The following PPFIA1 variants were observed in gnomAD, a reference collection of about 807,000 sequenced individuals.
PPFIA1 encodes the protein liprin-alpha-1.
In PPFIA1, 25 loss-of-function variants were observed where a neutral mutation model predicts 149.9. The observed-to-expected ratio is 0.17, with a 90% CI of 0.12 to 0.23. The LOEUF is 0.23. Among genes scored for constraint, PPFIA1 ranks in the 10% least tolerant of loss-of-function variants. The probability of loss-of-function intolerance (pLI) is 1.00; values close to 1 mark genes in which losing one functional copy is unlikely to be tolerated. For missense variants in PPFIA1, 1,362 were observed against 1,506.5 expected (o/e 0.90, Z 1.59); for synonymous variants, 549 against 552.8 (o/e 0.99, Z 0.10).
At chr11:70,354,191 T>C in intron 16 of PPFIA1, 110 bp from the exon 17 acceptor site, 2 of 1,160,698 alleles carry the variant, frequency 1.7e-6, no homozygotes, top group Non-Finnish European at 2.4e-6. Context: ...CTTTCTGTGC[T>C]GGCAGAAAGC....
At chr11:70,367,748 A>G in intron 21 of PPFIA1, 1 of 371,132 alleles carries the variant, frequency 2.7e-6, no homozygotes, top group Non-Finnish European at 5.3e-6. Flanking sequence ...GCTTCCATGC[A>G]GTTTTCTATT....
At chr11:70,297,988 C>T (rs369972516) in intron 2 of PPFIA1, among the ~76,000 whole-genome samples, 1 of 152,170 alleles carries the variant, frequency 6.6e-6, no homozygotes, top group Non-Finnish European at 1.5e-5. Context: ...AGAGCAGTTT[C>T]GCATTCGCTT....
intron 2 of PPFIA1, among the ~76,000 whole-genome samples, chr11:70,286,851 C>G (rs188995217): frequency 1.5e-4 from 22 of 150,252 alleles, no homozygotes; most frequent in African/African-American, 5.1e-4. Context: ...CTACCTCAGC[C>G]TTCTAAGAAG....
intron 7 of PPFIA1, 66 bp downstream of exon 7, chr11:70,326,884 A>AT (rs561039538): frequency 2.2e-5 from 30 of 1,340,590 alleles, no homozygotes; most frequent in African/African-American, 4.4e-5. Context: ...TAGTTAAATG[A>AT]TTTTTTTTCT....
At chr11:70,304,774 C>T (rs1309367340) in intron 2 of PPFIA1, among the ~76,000 whole-genome samples, 2 of 152,154 alleles carry the variant, frequency 1.3e-5, no homozygotes, top group Admixed American at 6.5e-5. Flanking sequence ...AGGCACACAG[C>T]GGCAGAATTG....
In PPFIA1 at chr11:70,290,392, G is replaced by A. The variant is rs528915666; in HGVS notation, c.264+17956G>A. ...TGTCTGGTTTGCATGGAATAGTCCC[G>A]GTTTTTGCCTGTTATCCTGGAGCAA... On this transcript the variant is annotated intron_variant, in intron 2 of 27. Transcript: ENST00000253925. 7.9e-5 allele frequency among the ~76,000 whole-genome samples: 12 copies of A among 152,290 alleles called. No homozygotes were observed. The South Asian group carries it at 1.2e-3, about 16-fold the overall frequency.
At chr11:70,283,295 G>A (rs1167083091) in intron 2 of PPFIA1, among the ~76,000 whole-genome samples, 1 of 152,060 alleles carries the variant, frequency 6.6e-6, no homozygotes, top group Non-Finnish European at 1.5e-5. Flanking sequence ...CAACAAATGA[G>A]ATTTTTAGAA....
chr11:70,313,668 C>T (rs949089888), intron 2 of PPFIA1, among the ~76,000 whole-genome samples: 4 of 152,070 alleles, frequency 2.6e-5, no homozygotes, highest in Non-Finnish European at 5.9e-5. Flanking sequence ...ATGCTGATGT[C>T]CACTGCGTGA....
intron 2 of PPFIA1, among the ~76,000 whole-genome samples, chr11:70,291,328 A>G (rs1264475041): frequency 1.3e-5 from 2 of 152,338 alleles, no homozygotes; most frequent in African/African-American, 4.8e-5. Context: ...GGATGAGATG[A>G]TTTCGAATAG....
intron 25 of PPFIA1, among the ~76,000 whole-genome samples, chr11:70,377,462 G>C (rs559217691): frequency 2.0e-4 from 30 of 152,282 alleles, no homozygotes; most frequent in African/African-American, 6.5e-4. Flanking sequence ...TGAAGCACTT[G>C]TTGCTATATC....
intron 2 of PPFIA1, among the ~76,000 whole-genome samples, chr11:70,294,292 G>A (rs1179836585): frequency 6.6e-6 from 1 of 151,858 alleles, no homozygotes; most frequent in Non-Finnish European, 1.5e-5. Context: ...TTTGATTCCA[G>A]TATTCACCTG....
intron 2 of PPFIA1, among the ~76,000 whole-genome samples, chr11:70,318,138 G>A (rs898881423): frequency 1.3e-5 from 2 of 152,136 alleles, no homozygotes. Context: ...GGCCCTAAGT[G>A]CCGCCAGCAT....
chr11:70,308,658 G>T (rs187041305), intron 2 of PPFIA1, among the ~76,000 whole-genome samples: 3 of 152,064 alleles, frequency 2.0e-5, no homozygotes, highest in Admixed American at 6.6e-5. Context: ...GAGGCTGGGC[G>T]CAGTGGCTCA....
chr11:70,316,075 AT>A (rs766819829), intron 2 of PPFIA1, among the ~76,000 whole-genome samples: 2 of 150,654 alleles, frequency 1.3e-5, no homozygotes, highest in East Asian at 1.9e-4. Flanking sequence ...TTTTTTTTAA[AT>A]TTTTTTTTCT....
intron 2 of PPFIA1, among the ~76,000 whole-genome samples, chr11:70,309,194 G>A (rs2053088850): frequency 6.6e-6 from 1 of 151,182 alleles, no homozygotes. Context: ...TTTTGAAATG[G>A]AGTCTTGCTC....
chr11:70,315,678 G>GTTTTTTTTTTTTTTT (rs71049904), intron 2 of PPFIA1, among the ~76,000 whole-genome samples: 17 of 73,022 alleles, frequency 2.3e-4, no homozygotes, highest in East Asian at 4.9e-4. Flanking sequence ...CTTTTTTTCT[G>GTTTTTTTTTTTTTTT]TTTTTTTTTT....
rs556410937 is a variant in PPFIA1 at position 70,309,294 on chromosome 11, C to T, written c.265-15108C>T. On this transcript the variant is annotated intron_variant, in intron 2 of 27. Transcript: ENST00000253925. ...AAGCGATTCTCCTGCCTCAGCCTCC[C>T]GAGTAGCTGGGATTACAGGCATGTG... Among the ~76,000 whole-genome samples, 7 of 152,168 alleles carry T rather than the reference C, an allele frequency of 4.6e-5. No individual in the cohort carries two copies. The South Asian group carries it at 1.2e-3, about 27-fold the overall frequency.
chr11:70,326,021 A>G (rs975680609), intron 5 of PPFIA1, among the ~76,000 whole-genome samples: 5 of 152,116 alleles, frequency 3.3e-5, no homozygotes, highest in Admixed American at 1.3e-4. Flanking sequence ...GGACCAGCCT[A>G]TCTGAGTCAT....
At chr11:70,307,014 G>T (rs896262244) in intron 2 of PPFIA1, among the ~76,000 whole-genome samples, 2 of 152,180 alleles carry the variant, frequency 1.3e-5, no homozygotes, top group Non-Finnish European at 2.9e-5. Flanking sequence ...TACATGAAGA[G>T]ATTTTGGAGA....
Sources: gnomAD v4.1 joint callset for allele counts (sites outside exome capture counted in the v4.1 genomes callset) on GRCh38, gnomAD v4.1.1 for gene constraint, MANE v1.5 for transcripts, NCBI Gene and HGNC (gene_info 2026-07-23, HGNC 2026-07-21) for gene names.